TBC1D5: variants seen among roughly 807,000 people sequenced by gnomAD.
TBC1D5 encodes TBC1 domain family, member 5.
In TBC1D5, 75 loss-of-function variants were observed where a neutral mutation model predicts 100.3. The ratio of observed to expected loss-of-function variants is 0.75; its 90% CI spans 0.62 to 0.91. TBC1D5 has a LOEUF of 0.91. Among genes scored for constraint, TBC1D5 ranks in the 40% least tolerant of loss-of-function variants. The probability of loss-of-function intolerance (pLI) is 0.00; values close to 1 mark genes in which losing one functional copy is unlikely to be tolerated. For missense variants in TBC1D5, 910 were observed against 942.4 expected (o/e 0.97, Z 0.45); for synonymous variants, 323 against 325.6 (o/e 0.99, Z 0.09).
intron 4 of TBC1D5, among the ~76,000 whole-genome samples, chr3:17,413,076 A>G (rs1439173808): frequency 6.6e-6 from 1 of 152,218 alleles, no homozygotes; most frequent in Admixed American, 6.5e-5. Flanking sequence ...AATGGAATGG[A>G]TTAGCCACCT....
chr3:17,702,462 G>A (rs2073347761), intron 1 of TBC1D5: 1 of 151,966 alleles, frequency 6.6e-6, no homozygotes, highest in African/African-American at 2.4e-5. Context: ...ATGGGTAAAA[G>A]CTTAGAATGT....
At chr3:17,502,365 T>C (rs1386276963) in intron 3 of TBC1D5, among the ~76,000 whole-genome samples, 1 of 149,706 alleles carries the variant, frequency 6.7e-6, no homozygotes, top group East Asian at 1.9e-4. Context: ...GCAGTTTTGC[T>C]CATTCTCCTC....
chr3:17,350,574 T>A (rs1156826206), intron 13 of TBC1D5, among the ~76,000 whole-genome samples: 2 of 152,196 alleles, frequency 1.3e-5, no homozygotes, highest in Non-Finnish European at 2.9e-5. Context: ...TGCTCAGTAA[T>A]GGCCTATGGA....
intron 3 of TBC1D5, among the ~76,000 whole-genome samples, chr3:17,479,706 T>C (rs1312441542): frequency 6.6e-6 from 1 of 152,116 alleles, no homozygotes; most frequent in Non-Finnish European, 1.5e-5. Flanking sequence ...GGTATGCTGT[T>C]ATGTACCTGT....
chr3:17,716,610 A>G (rs2075262728), intron 1 of TBC1D5, among the ~76,000 whole-genome samples: 1 of 152,204 alleles, frequency 6.6e-6, no homozygotes, highest in Non-Finnish European at 1.5e-5. Context: ...TCAAAGTTGA[A>G]AAGAACCACC....
intron 3 of TBC1D5, among the ~76,000 whole-genome samples, chr3:17,463,961 T>TG (rs1559943622): frequency 6.8e-6 from 1 of 148,112 alleles, no homozygotes; most frequent in African/African-American, 2.5e-5. Flanking sequence ...TTTTTTTTTT[T>TG]TTTTTTTGAG....
chr3:17,531,126 T>A (rs889363120), intron 2 of TBC1D5, among the ~76,000 whole-genome samples: 6 of 152,202 alleles, frequency 3.9e-5, no homozygotes, highest in African/African-American at 1.4e-4. Flanking sequence ...GATAAGCAAC[T>A]TCAGGGAAGT....
intron 12 of TBC1D5, among the ~76,000 whole-genome samples, chr3:17,373,492 G>C (rs1178624240): frequency 6.6e-6 from 1 of 152,082 alleles, no homozygotes; most frequent in Non-Finnish European, 1.5e-5. Context: ...TGAAAATATA[G>C]TTAACTCAGC....
chr3:17,297,303 G>A (rs1475337963), intron 14 of TBC1D5, among the ~76,000 whole-genome samples: 2 of 152,222 alleles, frequency 1.3e-5, no homozygotes, highest in African/African-American at 2.4e-5. Context: ...TTGGCTAGGC[G>A]TGGTGGCTCA....
intron 8 of TBC1D5, among the ~76,000 whole-genome samples, chr3:17,388,502 T>TTA (rs2093241574): frequency 6.6e-6 from 1 of 151,960 alleles, no homozygotes. Context: ...CCAGACGTCA[T>TTA]TATATCTGTA....
intron 19 of TBC1D5, 162 bp downstream of exon 20, chr3:17,184,947 T>A: frequency 2.1e-6 from 1 of 481,322 alleles, no homozygotes; most frequent in Non-Finnish European, 3.6e-6. Flanking sequence ...ATCTATATAA[T>A]GTAGAGAGTG....
chr3:17,331,995 G>A (rs1351758219), intron 13 of TBC1D5, among the ~76,000 whole-genome samples: 6 of 152,198 alleles, frequency 3.9e-5, no homozygotes, highest in Non-Finnish European at 7.4e-5. Flanking sequence ...GCTATGGGAT[G>A]CTCTTGGAGG....
intron 3 of TBC1D5, among the ~76,000 whole-genome samples, chr3:17,451,766 G>A (rs1384639410): frequency 2.7e-4 from 41 of 152,170 alleles, no homozygotes; most frequent in South Asian, 2.1e-4. Flanking sequence ...AGAACTTAAA[G>A]TAAAATATTA....
At chr3:17,221,809 C>G (rs1379587497) in intron 17 of TBC1D5, among the ~76,000 whole-genome samples, 1 of 152,126 alleles carries the variant, frequency 6.6e-6, no homozygotes, top group Non-Finnish European at 1.5e-5. Context: ...CTGTGTCAGA[C>G]TTTTGACCTA....
intron 16 of TBC1D5, among the ~76,000 whole-genome samples, chr3:17,239,513 C>A (rs1348739583): frequency 1.3e-5 from 2 of 152,154 alleles, no homozygotes; most frequent in Non-Finnish European, 1.5e-5. Context: ...TATTAAGGTG[C>A]CACTTCTGCT....
chr3:17,735,152 C>A (rs1427499030), intron 1 of TBC1D5, among the ~76,000 whole-genome samples: 1 of 152,046 alleles, frequency 6.6e-6, no homozygotes, highest in Non-Finnish European at 1.5e-5. Context: ...AGCAATTCCA[C>A]CCATAACAAT....
intron 2 of TBC1D5, among the ~76,000 whole-genome samples, chr3:17,620,988 T>C (rs1480243278): frequency 6.6e-6 from 1 of 152,224 alleles, no homozygotes; most frequent in Non-Finnish European, 1.5e-5. Context: ...TTTGGTATGT[T>C]TGTTTCTTAT....
Position 17,449,557 on chromosome 3 carries a change from G to A in TBC1D5, c.98-21038C>T, listed in dbSNP as rs923907454. On this transcript the variant is annotated intron_variant, in intron 3 of 21. Coordinates refer to ENST00000253692, the Ensembl canonical transcript of TBC1D5. ...ACTCAAGCTTGGTAGGGGAAGGGGCGTCCACCATTACTGAGGCTTGAGTAG... is the reference window on the plus strand; with the variant it reads ...ACTCAAGCTTGGTAGGGGAAGGGGCATCCACCATTACTGAGGCTTGAGTAG... Among the ~76,000 whole-genome samples the A allele has an allele frequency of 5.9e-5, 9 of 152,254 alleles. No individual in the cohort carries two copies. In the East Asian group the frequency reaches 9.7e-4, roughly 16 times the overall value.
At chr3:17,431,077 A>C (rs2094439909) in intron 3 of TBC1D5, among the ~76,000 whole-genome samples, 1 of 151,948 alleles carries the variant, frequency 6.6e-6, no homozygotes, top group South Asian at 2.1e-4. Flanking sequence ...AATAAGTATT[A>C]ATTTTATAAG....
Sources: gnomAD v4.1 joint callset for allele counts (sites outside exome capture counted in the v4.1 genomes callset) on GRCh38, gnomAD v4.1.1 for gene constraint, MANE v1.5 for transcripts, NCBI Gene and HGNC (gene_info 2026-07-23, HGNC 2026-07-21) for gene names.